ZNF652: variants seen among roughly 807,000 people sequenced by gnomAD.
ZNF652 encodes zinc finger protein 652.
In ZNF652, 16 loss-of-function variants were observed where a neutral mutation model predicts 45.2. The ratio of observed to expected loss-of-function variants is 0.35; its 90% CI spans 0.24 to 0.54. The LOEUF (loss-of-function observed/expected upper bound fraction) is 0.54, where lower values mean the gene tolerates loss of function less well. ZNF652 is among the 20% of genes least tolerant of loss of function. The pLI is 0.91. For synonymous variants in ZNF652, 250 were observed against 260.6 expected (o/e 0.96, Z 0.39); for missense variants, 614 against 765.6 (o/e 0.80, Z 2.34).
chr17:49,313,330 TG>T (rs2069744902), intron 2 of ZNF652, among the ~76,000 whole-genome samples: 1 of 151,978 alleles, frequency 6.6e-6, no homozygotes, highest in African/African-American at 2.4e-5. Context: ...TAATTTTTTT[TG>T]TATTTTTAGT....
chr17:49,338,721 A>G (rs561491687), intron 1 of ZNF652, among the ~76,000 whole-genome samples: 45 of 152,168 alleles, frequency 3.0e-4, no homozygotes, highest in Admixed American at 5.2e-4. Flanking sequence ...TATTTAGGAG[A>G]TATCAGCAAA....
At position 49,302,961 on chromosome 17, in the gene ZNF652, C is replaced by CA. The variant is rs1407197436; in HGVS notation, c.1310-4038dup. Among the ~76,000 whole-genome samples the CA allele has an allele frequency of 2.0e-5, 3 of 151,716 alleles. No individual in the cohort carries two copies. In the East Asian group the frequency reaches 5.8e-4, roughly 30 times the overall value. On this transcript the variant is annotated intron_variant, in intron 5 of 5. Transcript: ENST00000430262. ...TGGGTGATAGAGCAAGACTCCATCT[C>CA]AAAAAACAAACAAACAAACAAAAAA... is the stretch of plus-strand genomic sequence containing the variant.
intron 5 of ZNF652, among the ~76,000 whole-genome samples, chr17:49,309,329 TAAAAAAAAAA>T (rs11307814): frequency 1.5e-5 from 1 of 66,310 alleles, no homozygotes; most frequent in Non-Finnish European, 2.8e-5. Context: ...CTGTCTCTAC[TAAAAAAAAAA>T]AAAAAAAAAA....
chr17:49,317,361 T>G lies in ZNF652; in HGVS notation c.365A>C (p.Asn122Thr). 6.2e-7 allele frequency: 1 copy of G among 1,613,900 alleles called. No individual in the cohort carries two copies. The highest frequency in any genetic ancestry group is 8.5e-7 in the Non-Finnish European group (1 of 1,179,998). The change falls in exon 2 of 6, where the codon AAC becomes ACC. Residue 122 changes from asparagine to threonine, a missense_variant. Physicochemically the swap from Asn to Thr is moderately conservative, Grantham distance 65 (BLOSUM62 0). Coordinates refer to ENST00000430262, the MANE Select transcript of ZNF652 (RefSeq NM_001145365.3). ...YKREQIIVEV[N>T]LNNQTLNVSK... ...TACATTTAATGTTTGATTATTAAGG[T>G]TTACCTCCACTATGATCTGCTCCCT...
intron 1 of ZNF652, among the ~76,000 whole-genome samples, chr17:49,344,384 T>A (rs1486438778): frequency 6.6e-6 from 1 of 151,450 alleles, no homozygotes; most frequent in East Asian, 1.9e-4. Flanking sequence ...GAAAAAAAAA[T>A]TTATTCCCCT....
Position 49,293,463 on chromosome 17 carries a change from T to C in ZNF652, c.*4950A>G, listed in dbSNP as rs2286018. Among the ~76,000 whole-genome samples the C allele has an allele frequency of 2.0e-5, 3 of 152,272 alleles. No individual in the cohort carries two copies. Among genetic ancestry groups the C allele is most frequent in the East Asian group, 3.9e-4 (2 of 5,186 alleles). ...GTATAGAACTATGAAAGTGGATATA[T>C]TGATGGCAACTTTTATGGCTTCCAT... is the stretch of plus-strand genomic sequence containing the variant. On this transcript the variant is annotated 3_prime_UTR_variant, in exon 6 of 6. Transcript: ENST00000430262.
At chr17:49,330,809 G>A (rs1015132836) in intron 1 of ZNF652, among the ~76,000 whole-genome samples, 5 of 151,766 alleles carry the variant, frequency 3.3e-5, no homozygotes, top group Non-Finnish European at 7.4e-5. Context: ...CCAGCACTTT[G>A]GGAGGCTGAG....
Position 49,317,220 on chromosome 17 carries a change from T to C in ZNF652, c.506A>G (p.Tyr169Cys), listed in dbSNP as rs780839505. ...EEEATDDSND[Y>C]GENEKQKKKE... ...TTTCTTCTGCTTTTCATTCTCTCCATAGTCATTGCTGTCATCTGTGGCCTC... is the reference window on the plus strand; with the variant it reads ...TTTCTTCTGCTTTTCATTCTCTCCACAGTCATTGCTGTCATCTGTGGCCTC... The change falls in exon 2 of 6, where the codon TAT becomes TGT. Residue 169 changes from tyrosine to cysteine, a missense_variant. Transcript: ENST00000430262. 21 of 1,613,368 alleles carry C rather than the reference T, an allele frequency of 1.3e-5. No individual in the cohort carries two copies. In the Admixed American group the frequency reaches 3.0e-4, roughly 23 times the overall value.
intron 1 of ZNF652, among the ~76,000 whole-genome samples, chr17:49,346,748 A>G (rs1244173367): frequency 6.6e-6 from 1 of 152,232 alleles, no homozygotes. Flanking sequence ...AAATGTATAC[A>G]AAGTAAATAA....
chr17:49,295,962 A>AC lies in ZNF652; in HGVS notation c.*2450_*2451insG, dbSNP rs1397260167. ...CAAAAAAAAAAAAAAAAAAAAAAAA[A>AC]AAACAGAACAAAATATAACCAATTA... On this transcript the variant is annotated 3_prime_UTR_variant, in exon 6 of 6. Coordinates refer to ENST00000430262, the MANE Select transcript of ZNF652 (RefSeq NM_001145365.3). 19 of 145,158 alleles carry AC rather than the reference A, an allele frequency of 1.3e-4. No individual in the cohort carries two copies. The highest frequency in any genetic ancestry group is 4.8e-4 in the African/African-American group (19 of 39,596). The allele number at this position is 145,158 out of a possible 1,614,324, so 9.0% of individuals were successfully genotyped here.
intron 1 of ZNF652, among the ~76,000 whole-genome samples, chr17:49,356,822 C>T (rs1430538005): frequency 6.6e-6 from 1 of 152,124 alleles, no homozygotes; most frequent in African/African-American, 2.4e-5. Flanking sequence ...CTCTAGGTAA[C>T]TCTTGTGGGC....
chr17:49,312,134 T>A, intron 3 of ZNF652, 92 bp from the exon 4 acceptor site: 2 of 522,624 alleles, frequency 3.8e-6, no homozygotes, highest in Non-Finnish European at 6.9e-6. Flanking sequence ...TAGGCCATCC[T>A]AATTTTCTAC....
chr17:49,351,593 A>G (rs1191381001), intron 1 of ZNF652, among the ~76,000 whole-genome samples: 1 of 152,142 alleles, frequency 6.6e-6, no homozygotes, highest in Non-Finnish European at 1.5e-5. Flanking sequence ...ATATATATAT[A>G]TGTGCGCTCA....
chr17:49,358,387 T>C (rs540126661), intron 1 of ZNF652, among the ~76,000 whole-genome samples: 4 of 152,326 alleles, frequency 2.6e-5, no homozygotes, highest in African/African-American at 9.6e-5. Flanking sequence ...GCACAAGACC[T>C]AAGACTTCAC....
intron 5 of ZNF652, among the ~76,000 whole-genome samples, chr17:49,306,485 G>C (rs918748705): frequency 6.6e-6 from 1 of 152,034 alleles, no homozygotes; most frequent in East Asian, 1.9e-4. Flanking sequence ...AATAGAGATG[G>C]TGTCTCGCTA....
At chr17:49,347,045 T>A (rs1428161796) in intron 1 of ZNF652, among the ~76,000 whole-genome samples, 1 of 152,194 alleles carries the variant, frequency 6.6e-6, no homozygotes, top group Non-Finnish European at 1.5e-5. Context: ...GACAACTGAG[T>A]ATCAAAGGAT....
chr17:49,290,897 G>A lies in ZNF652; in HGVS notation c.*7516C>T, dbSNP rs1184747887. The A allele has an allele frequency of 6.6e-6, 1 of 152,166 alleles. No homozygotes were observed. The highest frequency in any genetic ancestry group is 1.5e-5 in the Non-Finnish European group (1 of 68,032). The allele number at this position is 152,166 out of a possible 1,614,324, so 9.4% of individuals were successfully genotyped here. A position where few individuals can be genotyped will look rare whatever the true frequency, so the allele number is the denominator to read the frequency against. On this transcript the variant is annotated 3_prime_UTR_variant, in exon 6 of 6. Coordinates refer to ENST00000430262, the MANE Select transcript of ZNF652 (RefSeq NM_001145365.3). ...TTAGAAGGTTGAGAATAAAGCTAAC[G>A]TACTTTATTGCTCCCTTGTGGACAA...
chr17:49,317,212 T>C lies in ZNF652; in HGVS notation c.514A>G (p.Asn172Asp). The C allele has an allele frequency of 6.2e-7, 1 of 1,613,516 alleles. No individual in the cohort carries two copies. Among genetic ancestry groups the C allele is most frequent in the Non-Finnish European group, 8.5e-7 (1 of 1,180,024 alleles). ...ATDDSNDYGE[N>D]EKQKKKEKIV... is the part of the protein sequence containing the mutation. ...TTCTCCTTTTTCTTCTGCTTTTCAT[T>C]CTCTCCATAGTCATTGCTGTCATCT... The change falls in exon 2 of 6, where the codon AAT becomes GAT. Residue 172 changes from asparagine (N) to aspartate (D), a missense_variant. By Grantham distance (23) the Asn-to-Asp change is conservative. This residue lies in a region of ZNF652 where 262 missense variants were observed against 306.3 expected (regional missense o/e 0.86). Transcript: ENST00000430262.
At chr17:49,358,242 T>C (rs1228537352) in intron 1 of ZNF652, among the ~76,000 whole-genome samples, 2 of 152,142 alleles carry the variant, frequency 1.3e-5, no homozygotes, top group African/African-American at 2.4e-5. Flanking sequence ...CTCCAAAGCA[T>C]CATCTATCTC....
Sources: allele counts gnomAD v4.1 joint callset (sites outside exome capture counted in the v4.1 genomes callset), GRCh38; gene constraint gnomAD v4.1.1; regional missense constraint gnomAD v4.1.1; transcripts MANE v1.5; gene names NCBI Gene and HGNC (gene_info 2026-07-23, HGNC 2026-07-21).